ATP10A: variants seen among roughly 807,000 people sequenced by gnomAD.
ATP10A encodes the protein ATPase phospholipid transporting 10A (putative).
In ATP10A, 111 loss-of-function variants were observed where a neutral mutation model predicts 147.8. That is an observed-to-expected ratio of 0.75 (90% CI 0.64 to 0.88). The LOEUF is 0.88. ATP10A is among the 40% of genes least tolerant of loss of function. ATP10A has a pLI of 0.00. For missense variants in ATP10A, 1,927 were observed against 1,959.0 expected (o/e 0.98, Z 0.31); for synonymous variants, 875 against 841.6 (o/e 1.04, Z -0.69).
intron 11 of ATP10A, 44 bp from the exon 12 acceptor site, chr15:25,708,146 C>T (rs780804303): frequency 1.9e-5 from 31 of 1,613,200 alleles, no homozygotes; most frequent in Non-Finnish European, 2.5e-5. Flanking sequence ...GCGCTGCTCA[C>T]TGTGGGGCGG....
In ATP10A at chr15:25,679,890, TCTCCTGGGGGA is replaced by T; in HGVS notation, c.3940_3950del (p.Ser1314MetfsTer94). ...CAAAGGTCTCTTTGGGAGCACTGCA[TCTCCTGGGGGA>T]CTTCCTGGTCAACTGACGTGCCAGC... is the stretch of plus-strand genomic sequence containing the variant. On this transcript the variant is annotated frameshift_variant, in exon 21 of 21. Coordinates refer to ENST00000555815, the MANE Select transcript of ATP10A (RefSeq NM_024490.4). LOFTEE classifies it high-confidence loss of function. The T allele has an allele frequency of 6.2e-7, 1 of 1,610,574 alleles. No individual in the cohort carries two copies. Among genetic ancestry groups the T allele is most frequent in the Non-Finnish European group, 8.5e-7 (1 of 1,179,800 alleles).
chr15:25,862,786 T>C lies in ATP10A; in HGVS notation c.311A>G (p.Asn104Ser). 2 of 1,610,674 alleles carry C rather than the reference T, an allele frequency of 1.2e-6. No homozygotes were observed. The highest frequency in any genetic ancestry group is 1.7e-6 in the Non-Finnish European group (2 of 1,178,420). Residue 104 changes from asparagine (N) to serine (S), a missense_variant, in exon 1 of 21, where the codon AAC becomes AGC. Coordinates refer to ENST00000555815, the MANE Select transcript of ATP10A (RefSeq NM_024490.4). ...CAGTGCCAGGCCGGGCTGGAAGGCG[T>C]TCACCGCCGGCACGAAGTTGAGCAG... Reference protein sequence around the residue: ...IALLNFVPAVNAFQPGLALAP... With the variant: ...IALLNFVPAVSAFQPGLALAP...
intron 2 of ATP10A, among the ~76,000 whole-genome samples, chr15:25,764,816 C>T (rs1215555317): frequency 6.6e-6 from 1 of 152,216 alleles, no homozygotes; most frequent in Non-Finnish European, 1.5e-5. Flanking sequence ...ACCGCAGACG[C>T]TCTACCTTCG....
rs188753199 is a variant in ATP10A at position 25,738,891 on chromosome 15, C to A, written c.655-2750G>T. Among the ~76,000 whole-genome samples the A allele has an allele frequency of 9.9e-5, 15 of 152,258 alleles. No homozygotes were observed. In the East Asian group the frequency reaches 2.9e-3, roughly 29 times the overall value. ...CCTTCAACTTAGGATCTTTAAGTATCGTGCCCAAGGTCACAGTGGTCTTGG... is the reference window on the plus strand; with the variant it reads ...CCTTCAACTTAGGATCTTTAAGTATAGTGCCCAAGGTCACAGTGGTCTTGG... On this transcript the variant is annotated intron_variant, in intron 2 of 20. Coordinates refer to ENST00000555815, the MANE Select transcript of ATP10A (RefSeq NM_024490.4).
chr15:25,846,732 A>T (rs189538905), intron 1 of ATP10A, among the ~76,000 whole-genome samples: 2 of 152,332 alleles, frequency 1.3e-5, no homozygotes, highest in East Asian at 3.9e-4. Flanking sequence ...CTCCTGGAAG[A>T]TGTTCTGGGT....
chr15:25,706,075 A>G (rs1900991512), intron 12 of ATP10A, among the ~76,000 whole-genome samples: 1 of 152,154 alleles, frequency 6.6e-6, no homozygotes, highest in Admixed American at 6.5e-5. Context: ...TCGGTAGACA[A>G]CTCTGATTTT....
intron 3 of ATP10A, among the ~76,000 whole-genome samples, chr15:25,734,489 T>C (rs1308239600): frequency 1.3e-5 from 2 of 152,158 alleles, no homozygotes; most frequent in Non-Finnish European, 2.9e-5. Context: ...CTGCTCTCTG[T>C]AGCCAACTCG....
upstream of ATP10A, among the ~76,000 whole-genome samples, chr15:25,864,820 C>T (rs1051252643): frequency 2.0e-5 from 3 of 152,134 alleles, no homozygotes; most frequent in East Asian, 3.9e-4. Context: ...CCCATGGCTC[C>T]GTGTTTTCCT....
At chr15:25,810,087 G>A (rs1006398630) in intron 1 of ATP10A, among the ~76,000 whole-genome samples, 4 of 151,920 alleles carry the variant, frequency 2.6e-5, no homozygotes, top group African/African-American at 9.7e-5. Context: ...CTAGCAACTA[G>A]AACCCTTGCT....
chr15:25,772,387 A>G (rs1596856948), intron 2 of ATP10A, among the ~76,000 whole-genome samples: 1 of 151,982 alleles, frequency 6.6e-6, no homozygotes, highest in Admixed American at 6.6e-5. Flanking sequence ...TTCCCTGCCC[A>G]CTTTTAGCTT....
At chr15:25,844,690 C>A (rs971282892) in intron 1 of ATP10A, among the ~76,000 whole-genome samples, 12 of 152,158 alleles carry the variant, frequency 7.9e-5, no homozygotes, top group African/African-American at 2.7e-4. Flanking sequence ...GCTGGACCAC[C>A]CTGAGAGGCT....
intron 2 of ATP10A, among the ~76,000 whole-genome samples, chr15:25,776,838 G>A (rs1372802369): frequency 6.6e-6 from 1 of 152,154 alleles, no homozygotes; most frequent in East Asian, 1.9e-4. Flanking sequence ...GGCACCATCT[G>A]ACGGACGTCA....
intron 2 of ATP10A, among the ~76,000 whole-genome samples, chr15:25,739,429 A>C (rs1394617065): frequency 6.6e-6 from 1 of 152,194 alleles, no homozygotes; most frequent in Non-Finnish European, 1.5e-5. Flanking sequence ...ACTTAGTGCT[A>C]GTTCTTCTGA....
intron 2 of ATP10A, among the ~76,000 whole-genome samples, chr15:25,780,579 C>A (rs1447437640): frequency 6.6e-6 from 1 of 152,186 alleles, no homozygotes; most frequent in East Asian, 1.9e-4. Flanking sequence ...ACACCAGAGG[C>A]AGGATTCAGC....
intron 2 of ATP10A, among the ~76,000 whole-genome samples, chr15:25,762,573 G>T (rs769101263): frequency 3.3e-5 from 5 of 151,264 alleles, no homozygotes; most frequent in Non-Finnish European, 7.4e-5. Flanking sequence ...GAGTCACTGT[G>T]CCCAAGCCTA....
intron 2 of ATP10A, among the ~76,000 whole-genome samples, chr15:25,772,634 G>A (rs939170787): frequency 1.3e-5 from 2 of 152,162 alleles, no homozygotes; most frequent in African/African-American, 4.8e-5. Flanking sequence ...AAATGAAAGG[G>A]CTTGTTTCTC....
At chr15:25,769,074 A>G (rs11854126) in intron 2 of ATP10A, among the ~76,000 whole-genome samples, 22,621 of 152,118 alleles carry the variant, frequency 0.15, 2,161 homozygotes, top group African/African-American at 0.26. Context: ...ACTCTCACAC[A>G]CACATGCATG....
At position 25,707,958 on chromosome 15, in the gene ATP10A, G is replaced by C. The variant is rs776057722; in HGVS notation, c.2575+18C>G. The C allele has an allele frequency of 6.2e-7, 1 of 1,612,846 alleles. No individual in the cohort carries two copies. Among genetic ancestry groups the C allele is most frequent in the Admixed American group, 1.7e-5 (1 of 59,984 alleles). On this transcript the variant is annotated intron_variant, in intron 12 of 20. Transcript: ENST00000555815. ...AACTCCACACTGCCCTTAGGCATGC[G>C]ACTCTCAAGTTAATTACCTAACAAG...
chr15:25,745,712 T>C (rs759378401), intron 2 of ATP10A, among the ~76,000 whole-genome samples: 1 of 152,182 alleles, frequency 6.6e-6, no homozygotes, highest in Non-Finnish European at 1.5e-5. Flanking sequence ...CATAAACTGA[T>C]ACAATTACAA....
Sources: gnomAD v4.1 joint callset for allele counts (sites outside exome capture counted in the v4.1 genomes callset) on GRCh38, gnomAD v4.1.1 for gene constraint, MANE v1.5 for transcripts, NCBI Gene and HGNC (gene_info 2026-07-23, HGNC 2026-07-21) for gene names.